SLITRK4: variants seen among roughly 807,000 people sequenced by gnomAD.
SLITRK4 encodes SLIT and NTRK like family member 4, also known as SLIT and NTRK-like protein 4.
Under a neutral mutation model 34.7 loss-of-function variants are expected in SLITRK4, and 7 were observed. The observed-to-expected ratio is 0.20, with a 90% CI of 0.11 to 0.38. The LOEUF (loss-of-function observed/expected upper bound fraction) is 0.38, where lower values mean the gene tolerates loss of function less well. SLITRK4 is among the 10% of genes least tolerant of loss of function. The pLI, the probability that SLITRK4 is intolerant of heterozygous loss-of-function variation, is 1.00. For missense variants in SLITRK4, 474 were observed against 607.0 expected (o/e 0.78, Z 2.30); for synonymous variants, 237 against 246.2 (o/e 0.96, Z 0.35).
intron 1 of SLITRK4, chrX:143,635,344 C>T (rs1279755464): frequency 1.9e-5 from 2 of 105,134 alleles, no homozygotes; most frequent in Non-Finnish European, 3.9e-5. Context: ...TAAAACATTC[C>T]CTAGGGAGGA....
intron 1 of SLITRK4, among the ~76,000 whole-genome samples, chrX:143,633,337 G>GTAAA (rs1931110838): frequency 9.0e-6 from 1 of 111,405 alleles, no homozygotes; most frequent in Non-Finnish European, 1.9e-5. Context: ...TACAAAGAGG[G>GTAAA]TAAAGGGAGC....
At chrX:143,634,158 T>C (rs1931146356) in intron 1 of SLITRK4, among the ~76,000 whole-genome samples, 1 of 111,907 alleles carries the variant, frequency 8.9e-6, no homozygotes, top group South Asian at 3.7e-4. Flanking sequence ...GACCCTGTGG[T>C]TTTGTGGCTG....
chrX:143,623,960 C>G lies in SLITRK4; in HGVS notation c.*4635G>C, dbSNP rs1556425024. 8.9e-6 allele frequency: 1 copy of G among 111,903 alleles called. No homozygotes were observed. The highest frequency in any genetic ancestry group is 3.2e-5 in the African/African-American group (1 of 30,863). 9.2% of individuals were successfully genotyped at this position (111,903 alleles called of 1,213,427 possible). On this transcript the variant is annotated 3_prime_UTR_variant, in exon 2 of 2. Coordinates refer to ENST00000356928, the MANE Select transcript of SLITRK4 (RefSeq NM_001184749.3). Reference sequence around the variant, plus strand: ...AACACAATCCTACGGTGTATCTCCTCAGATGCATAAGGCATTTAGTCTAAA... The same window carrying G: ...AACACAATCCTACGGTGTATCTCCTGAGATGCATAAGGCATTTAGTCTAAA...
rs1930890319 is a variant in SLITRK4, at chrX:143,628,522, G to A, written c.*73C>T. On this transcript the variant is annotated 3_prime_UTR_variant, in exon 2 of 2. Transcript: ENST00000356928. Reference sequence around the variant, plus strand: ...CATGCCTATTGATAATATAGTATTTGGAAGTTAGAAGTCAACAAAAGGCAC... The same window carrying A: ...CATGCCTATTGATAATATAGTATTTAGAAGTTAGAAGTCAACAAAAGGCAC... The A allele has an allele frequency of 1.2e-6, 1 of 849,805 alleles. No individual in the cohort carries two copies. The highest frequency in any genetic ancestry group is 3.2e-5 in the Admixed American group (1 of 30,953). 70.0% of individuals were successfully genotyped at this position (849,805 alleles called of 1,213,427 possible).
rs1430143306 is a variant in SLITRK4 at position 143,623,815 on chromosome X, A to C, written c.*4780T>G. 1 of 111,480 alleles carries C rather than the reference A, an allele frequency of 9.0e-6. No homozygotes were observed. Among genetic ancestry groups the C allele is most frequent in the Non-Finnish European group, 1.9e-5 (1 of 52,927 alleles). The allele number at this position is 111,480 out of a possible 1,213,427, so 9.2% of individuals were successfully genotyped here. A position where few individuals can be genotyped will look rare whatever the true frequency, so the allele number is the denominator to read the frequency against. ...ATTTTAGTTCAGCCCATCTGACCAC[A>C]GTGACTAATGGGATGAGCACTAGAA... On this transcript the variant is annotated 3_prime_UTR_variant, in exon 2 of 2. Transcript: ENST00000356928.
Position 143,626,484 on chromosome X carries a change from C to T in SLITRK4, c.*2111G>A, listed in dbSNP as rs991700291. 4 of 108,598 alleles carry T rather than the reference C, an allele frequency of 3.7e-5. No homozygotes were observed. Among genetic ancestry groups the T allele is most frequent in the African/African-American group, 1.3e-4 (4 of 29,876 alleles). The allele number at this position is 108,598 out of a possible 1,213,427, so 8.9% of individuals were successfully genotyped here. On this transcript the variant is annotated 3_prime_UTR_variant, in exon 2 of 2. Transcript: ENST00000356928. ...TATTTAAAAAAGATTTCCAAATTAT[C>T]TATATGTATGAATATATACCCACAT...
Position 143,627,421 on chromosome X carries a change from T to C in SLITRK4, c.*1174A>G, listed in dbSNP as rs1460613152. On this transcript the variant is annotated 3_prime_UTR_variant, in exon 2 of 2. Coordinates refer to ENST00000356928, the MANE Select transcript of SLITRK4 (RefSeq NM_001184749.3). ...GCACAATTGGTAACAAATCTGAAGA[T>C]AATACGCTAAATTCACAAGAATAGC... is the stretch of plus-strand genomic sequence containing the variant. The C allele has an allele frequency of 9.0e-6, 1 of 111,221 alleles. No individual in the cohort carries two copies. Among genetic ancestry groups the C allele is most frequent in the Non-Finnish European group, 1.9e-5 (1 of 52,926 alleles). The allele number at this position is 111,221 out of a possible 1,213,427, so 9.2% of individuals were successfully genotyped here. A position where few individuals can be genotyped will look rare whatever the true frequency, so the allele number is the denominator to read the frequency against.
intron 1 of SLITRK4, among the ~76,000 whole-genome samples, chrX:143,632,281 C>T (rs1556429005): frequency 9.0e-6 from 1 of 111,455 alleles, no homozygotes. Flanking sequence ...CACCCCATGT[C>T]CCTGACTGTA....
chrX:143,635,579 A>T (rs1433858486), intron 1 of SLITRK4, among the ~76,000 whole-genome samples, 156 bp downstream of exon 1: 1 of 109,135 alleles, frequency 9.2e-6, no homozygotes, highest in Non-Finnish European at 1.9e-5. Flanking sequence ...AGCCAAAGAA[A>T]CACTGGAGAG....
rs1371265496 is a variant in SLITRK4, at chrX:143,626,230, A to G, written c.*2365T>C. The G allele has an allele frequency of 9.0e-6, 1 of 111,363 alleles. No homozygotes were observed. The highest frequency in any genetic ancestry group is 1.9e-5 in the Non-Finnish European group (1 of 52,803). The allele number at this position is 111,363 out of a possible 1,213,427, so 9.2% of individuals were successfully genotyped here. ...TGTCAGTATACATTAGGAGCCCTTT[A>G]ATCCATGGATGTGTGCATGCATGGT... On this transcript the variant is annotated 3_prime_UTR_variant, in exon 2 of 2. Coordinates refer to ENST00000356928, the MANE Select transcript of SLITRK4 (RefSeq NM_001184749.3).
In SLITRK4 at chrX:143,629,819, T is replaced by C. The variant is rs1930954901; in HGVS notation, c.1290A>G (p.Leu430=). 2.5e-6 allele frequency: 3 copies of C among 1,209,928 alleles called. No individual in the cohort carries two copies. In the South Asian group the frequency reaches 5.3e-5, roughly 21 times the overall value. ...TCTCAATTTGATTGCCATTGAGATA[T>C]AGCCTGCGTAAATTAGTGAGATTGT... ...VFHNLTNLRR[L]YLNGNQIERL... The change falls in exon 2 of 2, where the codon CTA becomes CTG. Residue 430 remains leucine (L), a synonymous_variant. Transcript: ENST00000356928.
intron 1 of SLITRK4, among the ~76,000 whole-genome samples, chrX:143,631,840 A>G (rs1931049561): frequency 9.0e-6 from 1 of 111,533 alleles, no homozygotes; most frequent in South Asian, 3.8e-4. Flanking sequence ...TAGAAAAACA[A>G]CTGAGTAAGG....
intron 1 of SLITRK4, 142 bp from the exon 2 acceptor site, chrX:143,631,300 A>C: frequency 2.7e-6 from 1 of 376,620 alleles, no homozygotes; most frequent in Non-Finnish European, 4.5e-6. Context: ...AGTCTCACTC[A>C]GTCGAACAAT....
chrX:143,631,099 A>G lies in SLITRK4; in HGVS notation c.10T>C (p.Trp4Arg). The stretch of plus-strand genomic sequence containing the variant: ...AGGGCTGACAAAATCAGAAACAGCC[A>G]CAGAAACATCTTCTTGCAATCAGCA... MFL[W>R]LFLILSALIS... is the part of the protein sequence containing the mutation. Residue 4 changes from tryptophan to arginine, a missense_variant, in exon 2 of 2, where the codon TGG becomes CGG. Trp to Arg is a moderately radical substitution (Grantham distance 101). Around this residue, in one of 3 missense-constraint regions of SLITRK4, gnomAD observed 84 missense variants for 101.3 expected, o/e 0.83. Coordinates refer to ENST00000356928, the MANE Select transcript of SLITRK4 (RefSeq NM_001184749.3). 8.6e-7 allele frequency: 1 copy of G among 1,162,978 alleles called. No homozygotes were observed. The highest frequency in any genetic ancestry group is 2.7e-5 in the Admixed American group (1 of 36,860).
rs1930713912 is a variant in SLITRK4 at position 143,624,197 on chromosome X, T to C, written c.*4398A>G. 1 of 111,666 alleles carries C rather than the reference T, an allele frequency of 9.0e-6. No homozygotes were observed. Among genetic ancestry groups the C allele is most frequent in the African/African-American group, 3.2e-5 (1 of 30,818 alleles). 9.2% of individuals were successfully genotyped at this position (111,666 alleles called of 1,213,427 possible). A position where few individuals can be genotyped will look rare whatever the true frequency, so the allele number is the denominator to read the frequency against. ...CTCAAGTTAACCGTAATGCAATTAG[T>C]TCATTTTCCACAACAGTAATAATTT... On this transcript the variant is annotated 3_prime_UTR_variant, in exon 2 of 2. Transcript: ENST00000356928.
chrX:143,633,611 G>C (rs1931121041), intron 1 of SLITRK4, among the ~76,000 whole-genome samples: 1 of 110,887 alleles, frequency 9.0e-6, no homozygotes, highest in Non-Finnish European at 1.9e-5. Context: ...GCAGCGCCTG[G>C]CACTCCGCGA....
Sources: allele counts gnomAD v4.1 joint callset (sites outside exome capture counted in the v4.1 genomes callset), GRCh38; gene constraint gnomAD v4.1.1; regional missense constraint gnomAD v4.1.1; transcripts MANE v1.5; gene names NCBI Gene and HGNC (gene_info 2026-07-23, HGNC 2026-07-21).